Variants in GRM8 observed in about 807,000 individuals in gnomAD.
GRM8 encodes the protein metabotropic glutamate receptor 8.
A neutral mutation model predicts 87.2 loss-of-function variants in GRM8; 47 were observed. The observed-to-expected ratio is 0.54, with a 90% CI of 0.43 to 0.69. The LOEUF (loss-of-function observed/expected upper bound fraction) is 0.69. Ranked by LOEUF, GRM8 falls within the 30% of genes least tolerant of loss-of-function variation. The pLI, the probability that GRM8 is intolerant of heterozygous loss-of-function variation, is 0.00. For missense variants in GRM8, 1,019 were observed against 1,139.2 expected (o/e 0.89, Z 1.52); for synonymous variants, 396 against 404.5 (o/e 0.98, Z 0.25).
chr7:126,699,593 T>C (rs1196674615), intron 7 of GRM8, among the ~76,000 whole-genome samples: 1 of 152,198 alleles, frequency 6.6e-6, no homozygotes, highest in Non-Finnish European at 1.5e-5. Flanking sequence ...CTTTCATTTT[T>C]CTATTACATT....
intron 9 of GRM8, among the ~76,000 whole-genome samples, chr7:126,524,232 T>A (rs939049601): frequency 8.5e-5 from 13 of 152,246 alleles, no homozygotes; most frequent in African/African-American, 3.1e-4. Flanking sequence ...CTGTCTCATA[T>A]CTGACATGCC....
chr7:126,441,739 T>A (rs1393732295), intron 10 of GRM8, among the ~76,000 whole-genome samples: 1 of 152,070 alleles, frequency 6.6e-6, no homozygotes, highest in Non-Finnish European at 1.5e-5. Flanking sequence ...ATTAGACAAG[T>A]TCTTACCAGA....
chr7:127,136,354 C>T (rs982564967), intron 2 of GRM8, among the ~76,000 whole-genome samples: 3 of 151,996 alleles, frequency 2.0e-5, no homozygotes, highest in African/African-American at 4.8e-5. Flanking sequence ...TAGCCAGAAG[C>T]ATCACTTCTA....
chr7:126,874,019 T>C (rs1799326678), intron 6 of GRM8, among the ~76,000 whole-genome samples: 1 of 152,130 alleles, frequency 6.6e-6, no homozygotes, highest in African/African-American at 2.4e-5. Flanking sequence ...AAAATTTGCC[T>C]GCATACATTT....
chr7:127,093,397 T>G (rs2132933193), intron 3 of GRM8, among the ~76,000 whole-genome samples: 1 of 152,290 alleles, frequency 6.6e-6, no homozygotes, highest in Non-Finnish European at 1.5e-5. Context: ...TCGCAGAGTT[T>G]CCTCTGACAC....
At chr7:126,905,683 C>T (rs1238052716) in intron 3 of GRM8, among the ~76,000 whole-genome samples, 1 of 152,122 alleles carries the variant, frequency 6.6e-6, no homozygotes, top group African/African-American at 2.4e-5. Flanking sequence ...ATTGGAAATG[C>T]ACAGTCTAAT....
intron 6 of GRM8, among the ~76,000 whole-genome samples, chr7:126,859,736 T>C (rs1368036320): frequency 1.3e-5 from 2 of 152,158 alleles, no homozygotes; most frequent in Non-Finnish European, 2.9e-5. Flanking sequence ...CCATTATGCA[T>C]CCTGAAGATC....
intron 3 of GRM8, among the ~76,000 whole-genome samples, chr7:127,095,024 A>C (rs1824503338): frequency 1.3e-5 from 2 of 152,230 alleles, no homozygotes; most frequent in Admixed American, 1.3e-4. Flanking sequence ...TGCATAGTCA[A>C]ACCTTACCAG....
chr7:126,769,074 A>G (rs1818549362), intron 7 of GRM8, among the ~76,000 whole-genome samples: 1 of 152,064 alleles, frequency 6.6e-6, no homozygotes, highest in South Asian at 2.1e-4. Flanking sequence ...AGGCATGTCC[A>G]TTGTATGGAT....
intron 2 of GRM8, among the ~76,000 whole-genome samples, chr7:127,199,993 CTTAGAGAA>C (rs1003782001): frequency 6.6e-6 from 1 of 152,018 alleles, no homozygotes; most frequent in African/African-American, 2.4e-5. Context: ...TATATTTTTT[CTTAGAGAA>C]GAGAAATAAA....
chr7:127,204,590 C>T (rs924918709), intron 2 of GRM8, among the ~76,000 whole-genome samples: 1 of 152,168 alleles, frequency 6.6e-6, no homozygotes, highest in Admixed American at 6.5e-5. Context: ...TAGATGCACT[C>T]ACTAATATAT....
At chr7:126,899,223 A>G (rs956803342) in intron 6 of GRM8, among the ~76,000 whole-genome samples, 8 of 152,148 alleles carry the variant, frequency 5.3e-5, no homozygotes, top group Non-Finnish European at 1.2e-4. Context: ...AAACAATAAC[A>G]TTCAGAACTC....
At chr7:126,805,534 A>G (rs1455546568) in intron 6 of GRM8, among the ~76,000 whole-genome samples, 3 of 151,884 alleles carry the variant, frequency 2.0e-5, no homozygotes, top group Non-Finnish European at 4.4e-5. Context: ...GGTCTGCACC[A>G]CCCACTGTTT....
At chr7:126,947,537 T>C (rs1186569592) in intron 3 of GRM8, among the ~76,000 whole-genome samples, 1 of 151,926 alleles carries the variant, frequency 6.6e-6, no homozygotes, top group Non-Finnish European at 1.5e-5. Flanking sequence ...ATATATTGTA[T>C]ATATATGCAC....
intron 2 of GRM8, among the ~76,000 whole-genome samples, chr7:127,241,198 G>C (rs1399378906): frequency 6.6e-6 from 1 of 152,164 alleles, no homozygotes; most frequent in Admixed American, 6.5e-5. Context: ...TCCATACAGA[G>C]GCTGCACAGC....
chr7:126,884,590 A>C (rs1015756323), intron 6 of GRM8, among the ~76,000 whole-genome samples: 1 of 152,206 alleles, frequency 6.6e-6, no homozygotes, highest in African/African-American at 2.4e-5. Flanking sequence ...GATAGCAGAA[A>C]AAACATATAA....
intron 2 of GRM8, among the ~76,000 whole-genome samples, chr7:127,129,997 G>A (rs1827592132): frequency 6.6e-6 from 1 of 152,100 alleles, no homozygotes; most frequent in South Asian, 2.1e-4. Flanking sequence ...TTGAATCATG[G>A]GGTCAGTTTC....
At chr7:127,104,883 T>C (rs932672556) in intron 3 of GRM8, among the ~76,000 whole-genome samples, 16 of 152,358 alleles carry the variant, frequency 1.1e-4, no homozygotes, top group Non-Finnish European at 1.8e-4. Flanking sequence ...ACTTAACTTT[T>C]AGAACAATCC....
chr7:127,104,060 C>A (rs1825583013), intron 3 of GRM8, among the ~76,000 whole-genome samples: 1 of 152,136 alleles, frequency 6.6e-6, no homozygotes. Context: ...CACCATCATT[C>A]CATTATGATC....
Sources: allele counts gnomAD v4.1 joint callset (sites outside exome capture counted in the v4.1 genomes callset), GRCh38; gene constraint gnomAD v4.1.1; transcripts MANE v1.5; gene names NCBI Gene and HGNC (gene_info 2026-07-23, HGNC 2026-07-21).